The following CADPS variants were observed in gnomAD, a reference collection of about 807,000 sequenced individuals.
CADPS encodes the protein calcium-dependent secretion activator 1.
In CADPS, 57 loss-of-function variants were observed where a neutral mutation model predicts 167.3. That is an observed-to-expected ratio of 0.34 (90% CI 0.28 to 0.42). The LOEUF (loss-of-function observed/expected upper bound fraction) is 0.42. Ranked by LOEUF, CADPS falls within the 20% of genes least tolerant of loss-of-function variation. The probability of loss-of-function intolerance (pLI) is 1.00; values close to 1 mark genes in which losing one functional copy is unlikely to be tolerated. For missense variants in CADPS, 1,414 were observed against 1,738.1 expected, an observed-to-expected ratio of 0.81 and a Z score of 3.32; for synonymous variants, 676 against 635.3, an observed-to-expected ratio of 1.06 and a Z score of -0.96.
intron 18 of CADPS, among the ~76,000 whole-genome samples, chr3:62,497,648 C>A (rs1437957147): frequency 6.6e-6 from 1 of 152,190 alleles, no homozygotes; most frequent in Non-Finnish European, 1.5e-5. Flanking sequence ...GTTCTACCTG[C>A]CTCAAGGGGT....
At position 62,835,445 on chromosome 3, in the gene CADPS, T is replaced by C. The variant is rs149066993; in HGVS notation, c.441+39144A>G. 3.6e-3 allele frequency among the ~76,000 whole-genome samples: 552 copies of C among 152,358 alleles called. 6 individuals are homozygous for C. Among genetic ancestry groups the C allele is most frequent in the African/African-American group, 0.013 (531 of 41,592 alleles). ...CTTTCACGATGTGTCTGCAAAATGA[T>C]ACTCAAACACATTCTTGTTATTTTT... On this transcript the variant is annotated intron_variant, in intron 1 of 29. Coordinates refer to ENST00000383710, the MANE Select transcript of CADPS (RefSeq NM_003716.4).
intron 3 of CADPS, among the ~76,000 whole-genome samples, chr3:62,713,398 A>G (rs538064374): frequency 1.3e-5 from 2 of 152,304 alleles, no homozygotes; most frequent in Admixed American, 1.3e-4. Context: ...AGACATGCCC[A>G]CCAAGGCCTT....
rs1188502245 is a variant in CADPS, at chr3:62,602,005, C to T, written c.1326-9257G>A. ...ATTTAAAGCCTCTTATTTGCGGAAG[C>T]CTCCTCAGACCATATGTTATCAACA... is the stretch of plus-strand genomic sequence containing the variant. On this transcript the variant is annotated intron_variant, in intron 6 of 29. Coordinates refer to ENST00000383710, the MANE Select transcript of CADPS (RefSeq NM_003716.4). The surrounding 1 kb of genome is among the most constrained non-coding windows in gnomAD (Gnocchi z 4.4). 6.6e-6 allele frequency among the ~76,000 whole-genome samples: 1 copy of T among 152,094 alleles called. No homozygotes were observed. Among genetic ancestry groups the T allele is most frequent in the Non-Finnish European group, 1.5e-5 (1 of 68,038 alleles).
intron 13 of CADPS, among the ~76,000 whole-genome samples, chr3:62,530,197 T>C (rs2073333515): frequency 6.6e-6 from 1 of 152,196 alleles, no homozygotes; most frequent in African/African-American, 2.4e-5. Flanking sequence ...ATGAGATGAA[T>C]GTAGAACTAA....
rs2067744400 is a variant in CADPS at position 62,642,954 on chromosome 3, A to AAACAAAACAC, written c.1325+2767_1325+2768insGTGTTTTGTT. On this transcript the variant is annotated intron_variant, in intron 6 of 29. Transcript: ENST00000383710. The stretch of plus-strand genomic sequence containing the variant: ...AAACAAAACAAAACAAAACAAAACA[A>AAACAAAACAC]AACAAAACCCAAACCTCAAAACAAA... 2.1e-5 allele frequency among the ~76,000 whole-genome samples: 3 copies of AAACAAAACAC among 142,384 alleles called. No homozygotes were observed. The South Asian group carries it at 6.7e-4, about 32-fold the overall frequency. 93.4% of individuals were successfully genotyped at this position (142,384 alleles called of 152,430 possible). A position where few individuals can be genotyped will look rare whatever the true frequency, so the allele number is the denominator to read the frequency against.
chr3:62,468,544 A>T (rs2060206635), intron 24 of CADPS, among the ~76,000 whole-genome samples: 1 of 152,334 alleles, frequency 6.6e-6, no homozygotes, highest in Non-Finnish European at 1.5e-5. Flanking sequence ...TCCCAAGAGA[A>T]ACAAGCTTTC....
intron 12 of CADPS, among the ~76,000 whole-genome samples, chr3:62,534,870 A>C (rs2074374011): frequency 6.6e-6 from 1 of 152,170 alleles, no homozygotes; most frequent in Admixed American, 6.5e-5. Flanking sequence ...TTCATAATTA[A>C]TTTTAGATTC....
In CADPS at chr3:62,570,917, C is replaced by G. The variant is rs1159103031; in HGVS notation, c.1599G>C (p.Lys533Asn). 1.2e-6 allele frequency: 2 copies of G among 1,610,080 alleles called. No individual in the cohort carries two copies. Among genetic ancestry groups the G allele is most frequent in the Non-Finnish European group, 1.7e-6 (2 of 1,176,358 alleles). The change falls in exon 9 of 30, where the codon AAG becomes AAC. Residue 533 changes from lysine (K) to asparagine (N), a missense_variant. Lys to Asn is a moderately conservative substitution (Grantham distance 94, BLOSUM62 0). Transcript: ENST00000383710. ...KHSGYLWAIG[K>N]NVWKRWKKRF... Reference sequence around the variant, plus strand: ...TTTTCTTCCATCTCTTCCAGACATTCTTACCGATGGCCCATAAATACCTAA... The same window carrying G: ...TTTTCTTCCATCTCTTCCAGACATTGTTACCGATGGCCCATAAATACCTAA...
In CADPS at chr3:62,514,200, T is replaced by C. The variant is rs2068474094; in HGVS notation, c.2582-1432A>G. Among the ~76,000 whole-genome samples the C allele has an allele frequency of 6.6e-6, 1 of 152,016 alleles. No homozygotes were observed. The highest frequency in any genetic ancestry group is 1.5e-5 in the Non-Finnish European group (1 of 67,970). ...TTCTCTGAGGGTAGGATCAGAGCCT[T>C]GTAAAAGAAAGTTGTCTGGTAGTAA... is the stretch of plus-strand genomic sequence containing the variant. On this transcript the variant is annotated intron_variant, in intron 16 of 29. Coordinates refer to ENST00000383710, the MANE Select transcript of CADPS (RefSeq NM_003716.4). This position sits in a 1 kb window ranked among gnomAD's most constrained non-coding sequence, Gnocchi z 4.2.
At chr3:62,764,897 C>T (rs2086460342) in intron 2 of CADPS, among the ~76,000 whole-genome samples, 2 of 152,194 alleles carry the variant, frequency 1.3e-5, no homozygotes, top group South Asian at 2.1e-4. Context: ...TTATACCTAT[C>T]TTCAAGTTTA....
intron 1 of CADPS, among the ~76,000 whole-genome samples, chr3:62,786,562 T>C (rs1284397498): frequency 6.6e-6 from 1 of 152,056 alleles, no homozygotes; most frequent in Non-Finnish European, 1.5e-5. Context: ...GGATAAGAGC[T>C]TGAACTCAGG....
chr3:62,599,762 G>GTATATAATATATATATTATATACAA (rs2059553815), intron 6 of CADPS, among the ~76,000 whole-genome samples: 2 of 3,006 alleles, frequency 6.7e-4, no homozygotes, highest in African/African-American at 9.4e-4. Flanking sequence ...TATATATATT[G>GTATATAATATATATATTATATACAA]TATATATAAT....
intron 8 of CADPS, among the ~76,000 whole-genome samples, chr3:62,580,451 G>A (rs1386207108): frequency 6.6e-6 from 1 of 152,074 alleles, no homozygotes; most frequent in Admixed American, 6.5e-5. Flanking sequence ...TCGGGGGAGT[G>A]GGGAGGGATA....
At chr3:62,628,170 C>T (rs185765888) in intron 6 of CADPS, among the ~76,000 whole-genome samples, 14 of 152,312 alleles carry the variant, frequency 9.2e-5, no homozygotes, top group Admixed American at 8.5e-4. Flanking sequence ...CTCCCTGACA[C>T]GTGCAGAGGA....
intron 3 of CADPS, among the ~76,000 whole-genome samples, chr3:62,743,233 G>A (rs900062850): frequency 6.6e-6 from 1 of 152,176 alleles, no homozygotes; most frequent in African/African-American, 2.4e-5. Flanking sequence ...CTGTTATGAT[G>A]TGATAATTAT....
intron 1 of CADPS, among the ~76,000 whole-genome samples, chr3:62,836,988 A>G (rs557743137): frequency 6.6e-6 from 1 of 152,288 alleles, no homozygotes; most frequent in Non-Finnish European, 1.5e-5. Context: ...AATTTATTCA[A>G]TATTTTTGTA....
At position 62,800,558 on chromosome 3, in the gene CADPS, ATGACT is replaced by A. The variant is rs566099515; in HGVS notation, c.442-34579_442-34575del. On this transcript the variant is annotated intron_variant, in intron 1 of 29. Transcript: ENST00000383710. ...GTGTGTTTACTGAATGTGAGTTAAC[ATGACT>A]TATTAAATATAGAAATATGTTTAAA... Among the ~76,000 whole-genome samples the A allele has an allele frequency of 1.7e-3, 261 of 152,280 alleles. 2 individuals are homozygous for A. The highest frequency in any genetic ancestry group is 0.013 in the Admixed American group (205 of 15,278).
intron 10 of CADPS, among the ~76,000 whole-genome samples, chr3:62,552,410 C>A (rs533710524): frequency 6.6e-6 from 1 of 152,282 alleles, no homozygotes; most frequent in Admixed American, 6.5e-5. Flanking sequence ...TAGGTGGAAA[C>A]TTCTCTTTGG....
chr3:62,729,421 C>T (rs529146137), intron 3 of CADPS, among the ~76,000 whole-genome samples: 1 of 151,884 alleles, frequency 6.6e-6, no homozygotes, highest in South Asian at 2.1e-4. Flanking sequence ...AGATGACTTG[C>T]TAATTCAGCC....
Sources: allele counts gnomAD v4.1 joint callset (sites outside exome capture counted in the v4.1 genomes callset), GRCh38; gene constraint gnomAD v4.1.1; non-coding constraint Gnocchi (gnomAD v3.1); transcripts MANE v1.5; gene names NCBI Gene and HGNC (gene_info 2026-07-23, HGNC 2026-07-21).